The following EVC2 variants were observed in gnomAD, a reference collection of about 807,000 sequenced individuals.
The protein encoded by EVC2 is limbin.
A neutral mutation model predicts 149.3 loss-of-function variants in EVC2; 148 were observed. The ratio of observed to expected loss-of-function variants is 0.99; its 90% confidence interval spans 0.87 to 1.14. EVC2 has a LOEUF of 1.14. EVC2 is among the 50% of genes most tolerant of loss of function. The pLI, the probability that EVC2 is intolerant of heterozygous loss-of-function variation, is 0.00. For synonymous variants in EVC2, 776 were observed against 649.9 expected (o/e 1.19, Z -2.95); for missense variants, 1,854 against 1,627.3 (o/e 1.14, Z -2.40).
intron 1 of EVC2, among the ~76,000 whole-genome samples, chr4:5,705,183 G>A (rs13145841): frequency 0.16 from 23,824 of 152,046 alleles, 2,439 homozygotes; most frequent in East Asian, 0.33. Flanking sequence ...ACTGTTGTGT[G>A]GTACTTCAAG....
chr4:5,672,591 G>A (rs1052838694), intron 7 of EVC2, among the ~76,000 whole-genome samples: 13 of 152,114 alleles, frequency 8.5e-5, no homozygotes, highest in African/African-American at 2.9e-4. Flanking sequence ...TCCACACTGT[G>A]GGAGGCTGGG....
At chr4:5,594,406 G>A (rs190563350) in intron 16 of EVC2, among the ~76,000 whole-genome samples, 3,420 of 152,192 alleles carry the variant, frequency 0.022, 122 homozygotes, top group African/African-American at 0.077. Context: ...AGCAGCATTC[G>A]CGGTTCATGA....
At chr4:5,683,555 C>T (rs1720489776) in intron 6 of EVC2, among the ~76,000 whole-genome samples, 1 of 152,114 alleles carries the variant, frequency 6.6e-6, no homozygotes, top group Non-Finnish European at 1.5e-5. Context: ...ATAGGACACA[C>T]TAGGTCCCTG....
chr4:5,532,062 T>C, the EVC2 span, among the ~76,000 whole-genome samples: 5 of 152,250 alleles, frequency 3.3e-5, no homozygotes, highest in East Asian at 1.9e-4. Context: ...AACTAAATTT[T>C]TGATCTGCAG....
rs1299422364 is a variant in EVC2 at position 5,677,421 on chromosome 4, T to TG, written c.870+3838dup. On this transcript the variant is annotated intron_variant, in intron 7 of 21. Coordinates refer to ENST00000344408, the MANE Select transcript of EVC2 (RefSeq NM_147127.5). This position sits in a 1 kb window ranked among gnomAD's most constrained non-coding sequence, Gnocchi z 4.3. Reference sequence around the variant, plus strand: ...AGCTCCCTGAATGTGGTCCACAGCCTGGGGGCGCCTGTCCTGGGGGCTGGT... The same window carrying TG: ...AGCTCCCTGAATGTGGTCCACAGCCTGGGGGGCGCCTGTCCTGGGGGCTGGT... Among the ~76,000 whole-genome samples the TG allele has an allele frequency of 6.6e-6, 1 of 152,138 alleles. No homozygotes were observed. Among genetic ancestry groups the TG allele is most frequent in the East Asian group, 1.9e-4 (1 of 5,162 alleles).
intron 21 of EVC2, among the ~76,000 whole-genome samples, chr4:5,563,778 T>C (rs1336613902): frequency 6.6e-6 from 1 of 151,858 alleles, no homozygotes; most frequent in Admixed American, 6.6e-5. Flanking sequence ...CACAAGCCAA[T>C]TGTTAAACAT....
At chr4:5,648,459 C>G (rs184529788) in intron 9 of EVC2, among the ~76,000 whole-genome samples, 5 of 152,114 alleles carry the variant, frequency 3.3e-5, no homozygotes, top group African/African-American at 1.2e-4. Flanking sequence ...GTACCAGGTG[C>G]TTTACCGGTG....
intron 16 of EVC2, among the ~76,000 whole-genome samples, chr4:5,587,217 C>T (rs1161931983): frequency 6.6e-6 from 1 of 152,140 alleles, no homozygotes. Context: ...AGAACATTTT[C>T]ACCACCCCTA....
chr4:5,544,024 T>C (rs145111139), intron 21 of EVC2, among the ~76,000 whole-genome samples: 49 of 152,218 alleles, frequency 3.2e-4, no homozygotes, highest in Middle Eastern at 3.4e-3. Flanking sequence ...GGTCGGCAAA[T>C]TGTGCACCTC....
rs73061749 is a variant in EVC2 at position 5,588,216 on chromosome 4, G to A, written c.2830-3366C>T. 3.1e-3 allele frequency among the ~76,000 whole-genome samples: 474 copies of A among 152,264 alleles called. 3 individuals carry two copies. The highest frequency in any genetic ancestry group is 9.6e-3 in the African/African-American group (400 of 41,528). ...CATTGTTTTGAAGACATTGCTCCAT[G>A]TTCTTCTCACTTGCATTATTTGAAA... On this transcript the variant is annotated intron_variant, in intron 16 of 21. Transcript: ENST00000344408.
chr4:5,671,561 G>A (rs893495335), intron 7 of EVC2, among the ~76,000 whole-genome samples: 4 of 151,980 alleles, frequency 2.6e-5, no homozygotes, highest in African/African-American at 9.7e-5. Flanking sequence ...GCCCAGGCTG[G>A]AGTGCAATGG....
chr4:5,566,838 G>A (rs1722319820), intron 20 of EVC2, among the ~76,000 whole-genome samples: 2 of 152,144 alleles, frequency 1.3e-5, no homozygotes, highest in African/African-American at 4.8e-5. Flanking sequence ...GCAGGCAGAA[G>A]TGGCCTCCCC....
At chr4:5,662,129 T>C (rs1370269438) in intron 9 of EVC2, among the ~76,000 whole-genome samples, 3 of 152,182 alleles carry the variant, frequency 2.0e-5, no homozygotes, top group East Asian at 1.9e-4. Flanking sequence ...TCAGCCACAC[T>C]TGGCTACTGA....
intron 15 of EVC2, 133 bp from the exon 16 acceptor site, chr4:5,615,677 G>T: frequency 7.9e-7 from 1 of 1,265,748 alleles, no homozygotes. Flanking sequence ...TTAGGCCAGA[G>T]AGGGGAGGAG....
chr4:5,602,809 A>C lies in EVC2; in HGVS notation c.2829+12613T>G, dbSNP rs73198113. Reference sequence around the variant, plus strand: ...AGTAAATCCTCATCTTTTATAAAGGAAATAGATAGGAAAAGGAAATAGATA... The same window carrying C: ...AGTAAATCCTCATCTTTTATAAAGGCAATAGATAGGAAAAGGAAATAGATA... On this transcript the variant is annotated intron_variant, in intron 16 of 21. Coordinates refer to ENST00000344408, the MANE Select transcript of EVC2 (RefSeq NM_147127.5). Among the ~76,000 whole-genome samples, 524 of 152,314 alleles carry C rather than the reference A, an allele frequency of 3.4e-3. 3 individuals are homozygous for C. Among genetic ancestry groups the C allele is most frequent in the Middle Eastern group, 6.8e-3 (2 of 294 alleles).
chr4:5,615,591 A>T, intron 15 of EVC2, 47 bp from the exon 16 acceptor site: 1 of 1,613,770 alleles, frequency 6.2e-7, no homozygotes, highest in South Asian at 1.1e-5. Context: ...AATCACCAGC[A>T]AGTCCATGCA....
At chr4:5,650,951 T>C (rs920786945) in intron 9 of EVC2, among the ~76,000 whole-genome samples, 6 of 152,132 alleles carry the variant, frequency 3.9e-5, no homozygotes, top group Non-Finnish European at 8.8e-5. Flanking sequence ...GCTGCTGTTA[T>C]GTCTGTCATG....
chr4:5,638,743 G>A (rs1185042756), intron 10 of EVC2, among the ~76,000 whole-genome samples: 1 of 152,118 alleles, frequency 6.6e-6, no homozygotes, highest in Non-Finnish European at 1.5e-5. Context: ...AATGACAAAT[G>A]TCCTTATAAG....
At chr4:5,663,331 G>T in intron 8 of EVC2, 85 bp from the exon 9 acceptor site, 1 of 1,586,580 alleles carries the variant, frequency 6.3e-7, no homozygotes, top group East Asian at 2.3e-5. Flanking sequence ...AAGGCCAGGG[G>T]TCTGCAGTCT....
Sources: gnomAD v4.1 joint callset for allele counts (sites outside exome capture counted in the v4.1 genomes callset) on GRCh38, gnomAD v4.1.1 for gene constraint, Gnocchi (gnomAD v3.1) non-coding constraint, MANE v1.5 for transcripts, NCBI Gene and HGNC (gene_info 2026-07-23, HGNC 2026-07-21) for gene names.